The following KLB variants were observed in gnomAD, a reference collection of about 807,000 sequenced individuals.
KLB encodes the protein beta-klotho.
In KLB, 44 loss-of-function variants were observed where a neutral mutation model predicts 88.4. The ratio of observed to expected loss-of-function variants is 0.50; its 90% CI spans 0.39 to 0.64. The LOEUF (loss-of-function observed/expected upper bound fraction) is 0.64, where lower values mean the gene tolerates loss of function less well. Among genes scored for constraint, KLB ranks in the 30% least tolerant of loss-of-function variants. The probability of loss-of-function intolerance (pLI) is 0.00; values close to 1 mark genes in which losing one functional copy is unlikely to be tolerated. For missense variants in KLB, 1,137 were observed against 1,304.8 expected (o/e 0.87, Z 1.98); for synonymous variants, 548 against 513.4 (o/e 1.07, Z -0.91).
intron 3 of KLB, among the ~76,000 whole-genome samples, chr4:39,444,456 C>A (rs1300171396): frequency 6.6e-6 from 1 of 152,162 alleles, no homozygotes; most frequent in Non-Finnish European, 1.5e-5. Flanking sequence ...TCTCATTCTT[C>A]TCCTGGAAAA....
chr4:39,443,581 T>G (rs1578214335), intron 3 of KLB, among the ~76,000 whole-genome samples: 1 of 99,820 alleles, frequency 1.0e-5, no homozygotes. Flanking sequence ...CGTGGCAAAA[T>G]CCTGTCTCTA....
chr4:39,409,580 C>A (rs764571384), intron 1 of KLB, among the ~76,000 whole-genome samples: 1 of 151,398 alleles, frequency 6.6e-6, no homozygotes, highest in Non-Finnish European at 1.5e-5. Context: ...TGAGCCACTG[C>A]GCTCAGCCAG....
At chr4:39,427,616 G>A (rs1216925267) in intron 1 of KLB, among the ~76,000 whole-genome samples, 1 of 152,038 alleles carries the variant, frequency 6.6e-6, no homozygotes. Flanking sequence ...ATAAATGAGG[G>A]CAAACATGTT....
rs769288658 is a variant in KLB at position 39,437,932 on chromosome 4, G to T, written c.1542G>T (p.Thr514=). Residue 514 remains threonine (T), a synonymous_variant, in exon 3 of 5, where the codon ACG becomes ACT. Coordinates refer to ENST00000257408, the MANE Select transcript of KLB (RefSeq NM_175737.4). ...RENGFSLKES[T]PDVQGQFPCD... is the part of the protein sequence containing the mutation. ...ATGGTTTTTCTTTAAAAGAGTCCACGCCAGATGTGCAGGGCCAGTTTCCCT... is the reference window on the plus strand; with the variant it reads ...ATGGTTTTTCTTTAAAAGAGTCCACTCCAGATGTGCAGGGCCAGTTTCCCT... The T allele has an allele frequency of 3.2e-5, 51 of 1,614,162 alleles. No individual in the cohort carries two copies. The highest frequency in any genetic ancestry group is 4.2e-5 in the Non-Finnish European group (49 of 1,180,022).
intron 1 of KLB, among the ~76,000 whole-genome samples, chr4:39,424,833 T>C: frequency 6.6e-6 from 1 of 152,056 alleles, no homozygotes; most frequent in Non-Finnish European, 1.5e-5. Context: ...TTCACCATGT[T>C]GGCCAGGCTG....
chr4:39,447,122 C>G lies in KLB; in HGVS notation c.2396C>G (p.Ser799Cys), dbSNP rs1315510572. Residue 799 changes from serine (S) to cysteine (C), a missense_variant, in exon 4 of 5, where the codon TCC becomes TGC. Physicochemically the swap from Ser to Cys is moderately radical, Grantham distance 112. Around this residue, in one of 4 missense-constraint regions of KLB, gnomAD observed 426 missense variants for 404.6 expected, o/e 1.05. Transcript: ENST00000257408. ...GCCTCCAAGCACCGACGGGGGCTTT[C>G]CAGCTCGGCCCTGCCGCGCCTCACC... ...YIASKHRRGL[S>C]SSALPRLTEA... 10 of 1,613,518 alleles carry G rather than the reference C, an allele frequency of 6.2e-6. No individual in the cohort carries two copies. The highest frequency in any genetic ancestry group is 8.5e-6 in the Non-Finnish European group (10 of 1,180,012).
chr4:39,441,206 G>A (rs1474967414), intron 3 of KLB, among the ~76,000 whole-genome samples: 2 of 152,104 alleles, frequency 1.3e-5, no homozygotes, highest in Admixed American at 6.6e-5. Context: ...GTGATTAAAG[G>A]GGGAAAGTTA....
chr4:39,428,743 G>T (rs1041378104), intron 1 of KLB, among the ~76,000 whole-genome samples: 1 of 152,146 alleles, frequency 6.6e-6, no homozygotes, highest in African/African-American at 2.4e-5. Flanking sequence ...TTTTGCTCTT[G>T]TTGCCCAGGC....
chr4:39,407,898 T>A (rs903514377), intron 1 of KLB, 124 bp downstream of exon 1: 2 of 580,246 alleles, frequency 3.4e-6, no homozygotes, highest in African/African-American at 1.8e-5. Flanking sequence ...ATTCAAAAGA[T>A]CTATCCTCAA....
Position 39,446,943 on chromosome 4 carries a change from G to A in KLB, c.2217G>A (p.Ser739=). The change falls in exon 4 of 5, where the codon TCG becomes TCA. Residue 739 remains serine, a synonymous_variant. Transcript: ENST00000257408. The surrounding 1 kb of genome is among the most constrained non-coding windows in gnomAD (Gnocchi z 6.4). ...GGCCCTCACAGCGCGGGGCCGTGTC[G>A]CTGTCGCTGCACGCGGACTGGGCGG... ...QFRPSQRGAV[S]LSLHADWAEP... 6.2e-7 allele frequency: 1 copy of A among 1,604,750 alleles called. No homozygotes were observed. The highest frequency in any genetic ancestry group is 8.5e-7 in the Non-Finnish European group (1 of 1,178,808).
intron 1 of KLB, among the ~76,000 whole-genome samples, chr4:39,424,902 T>G (rs898946709): frequency 6.6e-6 from 1 of 152,174 alleles, no homozygotes; most frequent in Non-Finnish European, 1.5e-5. Flanking sequence ...GTGCTGGGAT[T>G]ACAGGTGAGA....
chr4:39,447,529 CAAG>C, intron 4 of KLB, 54 bp downstream of exon 4: 3 of 1,422,788 alleles, frequency 2.1e-6, no homozygotes, highest in Non-Finnish European at 2.8e-6. Flanking sequence ...TGTTACCTGA[CAAG>C]AACAAAGAAT....
rs769625563 is a variant in KLB, at chr4:39,434,612, C to T, written c.1228C>T (p.Pro410Ser). The T allele has an allele frequency of 1.2e-5, 20 of 1,613,924 alleles. No individual in the cohort carries two copies. Among genetic ancestry groups the T allele is most frequent in the Non-Finnish European group, 1.7e-5 (20 of 1,179,990 alleles). The change falls in exon 2 of 5, where the codon CCT (proline) becomes TCT (serine). Residue 410 changes from proline (P) to serine (S), a missense_variant. By Grantham distance (74) the Pro-to-Ser change is moderately conservative. Around this residue, in one of 4 missense-constraint regions of KLB, gnomAD observed 597 missense variants for 765.2 expected, o/e 0.78. Coordinates refer to ENST00000257408, the MANE Select transcript of KLB (RefSeq NM_175737.4). ...CTGGATTAAACTGGAATACAACAAC[C>T]CTCGAATCTTGATTGCTGAGAATGG... ...LNWIKLEYNN[P>S]RILIAENGWF...
At chr4:39,433,639 T>C (rs1223781344) in intron 1 of KLB, among the ~76,000 whole-genome samples, 1 of 152,052 alleles carries the variant, frequency 6.6e-6, no homozygotes, top group Non-Finnish European at 1.5e-5. Flanking sequence ...GAGGGTGGAT[T>C]ACCTGAGGTC....
chr4:39,418,944 T>TAAAA (rs35661811), intron 1 of KLB, among the ~76,000 whole-genome samples: 1 of 116,896 alleles, frequency 8.6e-6, no homozygotes, highest in Non-Finnish European at 1.7e-5. Context: ...ATGCCATCTC[T>TAAAA]AAAAAAAAAA....
rs748826509 is a variant in KLB at position 39,446,560 on chromosome 4, C to T, written c.1834C>T (p.Leu612=). 2 of 1,614,124 alleles carry T rather than the reference C, an allele frequency of 1.2e-6. No individual in the cohort carries two copies. Among genetic ancestry groups the T allele is most frequent in the South Asian group, 2.2e-5 (2 of 91,094 alleles). Residue 612 remains leucine, a synonymous_variant, in exon 4 of 5, where the codon CTG becomes TTG. Coordinates refer to ENST00000257408, the MANE Select transcript of KLB (RefSeq NM_175737.4). The surrounding 1 kb of genome is among the most constrained non-coding windows in gnomAD (Gnocchi z 6.4). ...GGCCTCGGTCCTTCCCACTGGCAAC[C>T]TGTCCGCGGTGAACCGACAGGCCCT... is the stretch of plus-strand genomic sequence containing the variant. The part of the protein sequence containing the change: ...DWASVLPTGN[L]SAVNRQALRY...
At chr4:39,434,784 C>T in intron 2 of KLB, 64 bp downstream of exon 2, 2 of 1,243,876 alleles carry the variant, frequency 1.6e-6, no homozygotes, top group Non-Finnish European at 1.1e-6. Flanking sequence ...TTAAAGTCAC[C>T]TTTGAATATG....
chr4:39,444,113 C>T (rs892316872), intron 3 of KLB, among the ~76,000 whole-genome samples: 3 of 152,208 alleles, frequency 2.0e-5, no homozygotes, highest in East Asian at 3.9e-4. Flanking sequence ...GCCAAGATCG[C>T]GCCATTGCAC....
intron 1 of KLB, among the ~76,000 whole-genome samples, chr4:39,419,944 CAA>C (rs34834552): frequency 0.083 from 6,804 of 81,698 alleles, 161 homozygotes; most frequent in African/African-American, 0.1. Context: ...AACTTCATCT[CAA>C]AAAAAAAAAA....
Sources: allele counts gnomAD v4.1 joint callset (sites outside exome capture counted in the v4.1 genomes callset), GRCh38; gene constraint gnomAD v4.1.1; regional missense constraint gnomAD v4.1.1; non-coding constraint Gnocchi (gnomAD v3.1); transcripts MANE v1.5; gene names NCBI Gene and HGNC (gene_info 2026-07-23, HGNC 2026-07-21).